Variants in MVB12B observed in about 807,000 individuals in gnomAD.
MVB12B encodes the protein ESCRT-I complex subunit MVB12B.
In MVB12B, 16 loss-of-function variants were observed where a neutral mutation model predicts 41.6. That is an observed-to-expected ratio of 0.38 (90% CI 0.26 to 0.58). The LOEUF (loss-of-function observed/expected upper bound fraction) is 0.58. MVB12B is among the 20% of genes least tolerant of loss of function. The probability of loss-of-function intolerance (pLI) is 0.62; values close to 1 mark genes in which losing one functional copy is unlikely to be tolerated. For synonymous variants in MVB12B, 133 were observed against 139.7 expected, an observed-to-expected ratio of 0.95 and a Z score of 0.34; for missense variants, 274 against 380.2, an observed-to-expected ratio of 0.72 and a Z score of 2.32.
At position 126,386,824 on chromosome 9, in the gene MVB12B, C is replaced by A. The variant is rs935023195; in HGVS notation, c.409+166C>A. Among the ~76,000 whole-genome samples, 2 of 152,124 alleles carry A rather than the reference C, an allele frequency of 1.3e-5. No individual in the cohort carries two copies. The highest frequency in any genetic ancestry group is 4.8e-5 in the African/African-American group (2 of 41,426). ...TTTGATGTGTGTCTGGCTGGGTTCTCCAAGGAGTTTGCAGAGTATTCTGGG... is the reference window on the plus strand; with the variant it reads ...TTTGATGTGTGTCTGGCTGGGTTCTACAAGGAGTTTGCAGAGTATTCTGGG... On this transcript the variant is annotated intron_variant, in intron 4 of 9. Transcript: ENST00000361171. This position sits in a 1 kb window ranked among gnomAD's most constrained non-coding sequence, Gnocchi z 4.3.
rs1331693495 is a variant in MVB12B, at chr9:126,506,182, C to A, written c.*2919C>A. On this transcript the variant is annotated 3_prime_UTR_variant, in exon 10 of 10. Transcript: ENST00000361171. ...GAGAGATGAGAACCCAGTGGGGTCA[C>A]GTAAAGGAATTGCAGGTCGGTGAGA... 1 of 152,626 alleles carries A rather than the reference C, an allele frequency of 6.6e-6. No individual in the cohort carries two copies. The highest frequency in any genetic ancestry group is 2.4e-5 in the African/African-American group (1 of 41,446). The allele number at this position is 152,626 out of a possible 1,614,324, so 9.5% of individuals were successfully genotyped here.
Position 126,503,178 on chromosome 9 carries a change from A to G in MVB12B, c.875A>G (p.Tyr292Cys). Reference sequence around the variant, plus strand: ...CTCTGTCCCCACCCGCCCCTGCAGTACGAGTACAGCTTCCGCACAGAGCAG... The same window carrying G: ...CTCTGTCCCCACCCGCCCCTGCAGTGCGAGTACAGCTTCCGCACAGAGCAG... Reference protein sequence around the residue: ...IKSLAEIEKEYEYSFRTEQSA... With the variant: ...IKSLAEIEKECEYSFRTEQSA... The change falls in exon 10 of 10, where the codon TAC becomes TGC. Residue 292 changes from tyrosine (Y) to cysteine (C), a missense_variant and splice_region_variant. Coordinates refer to ENST00000361171, the MANE Select transcript of MVB12B (RefSeq NM_033446.3). The G allele has an allele frequency of 6.4e-7, 1 of 1,550,588 alleles. No individual in the cohort carries two copies. The highest frequency in any genetic ancestry group is 8.7e-7 in the Non-Finnish European group (1 of 1,146,814).
chr9:126,397,041 T>G, intron 6 of MVB12B: 2 of 985,516 alleles, frequency 2.0e-6, no homozygotes, highest in Non-Finnish European at 2.4e-6. Context: ...GTCAGCTAAG[T>G]CCATCACCTG....
intron 6 of MVB12B, among the ~76,000 whole-genome samples, chr9:126,409,489 G>A (rs1218018700): frequency 1.3e-5 from 2 of 151,776 alleles, no homozygotes; most frequent in Non-Finnish European, 2.9e-5. Context: ...ATTGGGGGGG[G>A]ACACAGAAAG....
At chr9:126,398,402 G>A (rs1831178373) in intron 6 of MVB12B, among the ~76,000 whole-genome samples, 1 of 152,114 alleles carries the variant, frequency 6.6e-6, no homozygotes, top group Non-Finnish European at 1.5e-5. Flanking sequence ...ATCCAGGCTT[G>A]TAGAAAATTG....
chr9:126,486,229 T>G lies in MVB12B; in HGVS notation c.873+2197T>G, dbSNP rs1332114261. Reference sequence around the variant, plus strand: ...GGGAAAAAATGGCTGGCTGGGACATTAGAAACATAGGTGTGCATAAAATTT... The same window carrying G: ...GGGAAAAAATGGCTGGCTGGGACATGAGAAACATAGGTGTGCATAAAATTT... On this transcript the variant is annotated intron_variant, in intron 9 of 9. Transcript: ENST00000361171. This position sits in a 1 kb window ranked among gnomAD's most constrained non-coding sequence, Gnocchi z 4.7. Among the ~76,000 whole-genome samples the G allele has an allele frequency of 2.6e-5, 4 of 152,190 alleles. No individual in the cohort carries two copies. Among genetic ancestry groups the G allele is most frequent in the Non-Finnish European group, 5.9e-5 (4 of 68,026 alleles).
At chr9:126,390,987 G>T (rs539339884) in intron 4 of MVB12B, among the ~76,000 whole-genome samples, 1 of 151,190 alleles carries the variant, frequency 6.6e-6, no homozygotes, top group South Asian at 2.1e-4. Flanking sequence ...AGGAATGACA[G>T]AGTTCAAAAA....
At chr9:126,481,532 TTCCCCTACCGGAATCTTG>T in intron 8 of MVB12B, 108 bp downstream of exon 8, 1 of 816,436 alleles carries the variant, frequency 1.2e-6, no homozygotes. Context: ...CTCACGCCCC[TTCCCCTACCGGAATCTTG>T]TCCGCCTGCG....
At chr9:126,454,172 A>C (rs139477264) in intron 7 of MVB12B, among the ~76,000 whole-genome samples, 2,942 of 152,326 alleles carry the variant, frequency 0.019, 40 homozygotes, top group Middle Eastern at 0.034. Context: ...TTTTGAAATA[A>C]AGTTTTTTCT....
intron 2 of MVB12B, among the ~76,000 whole-genome samples, chr9:126,355,303 G>A (rs1829851301): frequency 6.6e-6 from 1 of 152,230 alleles, no homozygotes; most frequent in East Asian, 1.9e-4. Flanking sequence ...CCCCATCCTA[G>A]GGGTCTGCGG....
At chr9:126,465,781 T>C (rs1448388943) in intron 7 of MVB12B, among the ~76,000 whole-genome samples, 1 of 152,112 alleles carries the variant, frequency 6.6e-6, no homozygotes, top group African/African-American at 2.4e-5. Context: ...AGCTAACACA[T>C]GCTGAACATT....
chr9:126,426,721 A>G (rs1228702689), intron 7 of MVB12B, among the ~76,000 whole-genome samples: 1 of 152,204 alleles, frequency 6.6e-6, no homozygotes, highest in African/African-American at 2.4e-5. Context: ...AGTGAATGGA[A>G]ATAGGATAGA....
At chr9:126,355,673 G>T (rs565699166) in intron 2 of MVB12B, among the ~76,000 whole-genome samples, 1 of 152,244 alleles carries the variant, frequency 6.6e-6, no homozygotes, top group South Asian at 2.1e-4. Context: ...TTTTTAGGCC[G>T]CATTCTCTTT....
At chr9:126,379,933 G>A (rs1266753001) in intron 2 of MVB12B, among the ~76,000 whole-genome samples, 1 of 152,194 alleles carries the variant, frequency 6.6e-6, no homozygotes, top group Non-Finnish European at 1.5e-5. Flanking sequence ...AAGAATGGAG[G>A]CACTTCCAGC....
intron 7 of MVB12B, among the ~76,000 whole-genome samples, chr9:126,476,379 A>T (rs1418417134): frequency 1.3e-5 from 2 of 152,130 alleles, no homozygotes; most frequent in African/African-American, 4.8e-5. Flanking sequence ...AGATGTGAGG[A>T]GGGCCTGCAG....
chr9:126,461,372 T>TA (rs943789521), intron 7 of MVB12B, among the ~76,000 whole-genome samples: 14 of 150,902 alleles, frequency 9.3e-5, no homozygotes, highest in South Asian at 6.3e-4. Context: ...TCACTATATA[T>TA]AAAAAAAAAA....
chr9:126,360,982 G>A (rs1481576364), intron 2 of MVB12B, among the ~76,000 whole-genome samples: 1 of 151,848 alleles, frequency 6.6e-6, no homozygotes, highest in Admixed American at 6.6e-5. Context: ...ATTTGAAGTG[G>A]GTTTCTTGTA....
At chr9:126,424,105 C>G (rs1272260267) in intron 7 of MVB12B, among the ~76,000 whole-genome samples, 1 of 152,158 alleles carries the variant, frequency 6.6e-6, no homozygotes, top group Admixed American at 6.5e-5. Context: ...TGAAGACATT[C>G]GATTACTGCT....
rs1258045366 is a variant in MVB12B, at chr9:126,440,175, C to T, written c.757+18227C>T. On this transcript the variant is annotated intron_variant, in intron 7 of 9. Coordinates refer to ENST00000361171, the MANE Select transcript of MVB12B (RefSeq NM_033446.3). ...ATGGAGCCTTGTTTCAGAAAGGGGC[C>T]TCCTGTAACGGGCTCTGGCTGCTGA... 2.0e-5 allele frequency among the ~76,000 whole-genome samples: 3 copies of T among 152,148 alleles called. No homozygotes were observed. In the East Asian group the frequency reaches 5.8e-4, roughly 29 times the overall value.
Sources: allele counts gnomAD v4.1 joint callset (sites outside exome capture counted in the v4.1 genomes callset), GRCh38; gene constraint gnomAD v4.1.1; non-coding constraint Gnocchi (gnomAD v3.1); transcripts MANE v1.5; gene names NCBI Gene and HGNC (gene_info 2026-07-23, HGNC 2026-07-21).